FRMD4A: variants seen among roughly 807,000 people sequenced by gnomAD.
The protein encoded by FRMD4A is FERM domain-containing protein 4A.
A neutral mutation model predicts 129.1 loss-of-function variants in FRMD4A; 29 were observed. That is an observed-to-expected ratio of 0.22 (90% CI 0.17 to 0.31). The LOEUF (loss-of-function observed/expected upper bound fraction) is 0.31. Among genes scored for constraint, FRMD4A ranks in the 10% least tolerant of loss-of-function variants. The pLI, the probability that FRMD4A is intolerant of heterozygous loss-of-function variation, is 1.00. For synonymous variants in FRMD4A, 634 were observed against 571.6 expected, an observed-to-expected ratio of 1.11 and a Z score of -1.56; for missense variants, 1,272 against 1,375.8, an observed-to-expected ratio of 0.92 and a Z score of 1.19.
chr10:13,657,787 G>GTTTTTTT (rs1204181870), intron 21 of FRMD4A, among the ~76,000 whole-genome samples: 2,863 of 110,890 alleles, frequency 0.026, 117 homozygotes, highest in African/African-American at 0.1. Flanking sequence ...TCGATTTCTG[G>GTTTTTTT]GTTTTTTTTT....
chr10:13,813,273 T>G (rs945785295), intron 3 of FRMD4A, among the ~76,000 whole-genome samples: 8 of 152,174 alleles, frequency 5.3e-5, no homozygotes, highest in Non-Finnish European at 7.3e-5. Context: ...GGCAAAACCT[T>G]GTCTCTACTA....
At chr10:13,865,916 G>C (rs2094361123) in intron 2 of FRMD4A, among the ~76,000 whole-genome samples, 1 of 152,172 alleles carries the variant, frequency 6.6e-6, no homozygotes, top group Admixed American at 6.5e-5. Context: ...GCGGGGCTGA[G>C]GGAAGGTACG....
At chr10:14,106,319 A>T (rs1044414905) in intron 2 of FRMD4A, among the ~76,000 whole-genome samples, 1 of 152,120 alleles carries the variant, frequency 6.6e-6, no homozygotes, top group African/African-American at 2.4e-5. Flanking sequence ...AAACACTCTT[A>T]GTAGTCATTT....
At chr10:13,809,550 C>A (rs1346802980) in intron 4 of FRMD4A, among the ~76,000 whole-genome samples, 1 of 152,184 alleles carries the variant, frequency 6.6e-6, no homozygotes, top group Admixed American at 6.5e-5. Flanking sequence ...TCCTTCCCCG[C>A]ACAGCCCTGA....
At chr10:14,006,318 G>C (rs1409217475) in intron 2 of FRMD4A, among the ~76,000 whole-genome samples, 2 of 152,184 alleles carry the variant, frequency 1.3e-5, no homozygotes, top group African/African-American at 2.4e-5. Context: ...TGTAACGGTG[G>C]GGTGTGCTCA....
chr10:13,955,112 C>CTTTATTTTTTTTTTTTT (rs2095401761), intron 2 of FRMD4A, among the ~76,000 whole-genome samples: 1 of 102,974 alleles, frequency 9.7e-6, no homozygotes, highest in African/African-American at 3.9e-5. Flanking sequence ...AATAATTCTG[C>CTTTATTTTTTTTTTTTT]TTTTTTTTTT....
At chr10:13,703,764 G>A (rs1232606069) in intron 13 of FRMD4A, among the ~76,000 whole-genome samples, 1 of 152,162 alleles carries the variant, frequency 6.6e-6, no homozygotes, top group Admixed American at 6.6e-5. Flanking sequence ...CATAAAAATA[G>A]TAAACACTGA....
intron 8 of FRMD4A, among the ~76,000 whole-genome samples, chr10:13,756,775 T>A (rs2091883351): frequency 6.6e-6 from 1 of 152,224 alleles, no homozygotes; most frequent in East Asian, 1.9e-4. Flanking sequence ...TGATAAGGTT[T>A]TCAGTTAAGG....
chr10:14,323,232 A>G (rs7078103), intron 2 of FRMD4A, among the ~76,000 whole-genome samples: 296 of 152,340 alleles, frequency 1.9e-3, no homozygotes, highest in Middle Eastern at 0.014. Flanking sequence ...CATGAGATGA[A>G]TTCAGGTAGA....
intron 2 of FRMD4A, among the ~76,000 whole-genome samples, chr10:14,162,729 G>T (rs1327495014): frequency 6.7e-6 from 1 of 150,072 alleles, no homozygotes; most frequent in Non-Finnish European, 1.5e-5. Flanking sequence ...TTCCTGTTGG[G>T]ATTTTCGTTA....
At chr10:13,774,601 G>A (rs1195083475) in intron 6 of FRMD4A, among the ~76,000 whole-genome samples, 1 of 152,194 alleles carries the variant, frequency 6.6e-6, no homozygotes, top group Non-Finnish European at 1.5e-5. Flanking sequence ...GAGGAAAGAT[G>A]TCCAGATACC....
chr10:13,756,812 C>T (rs1464352399), intron 8 of FRMD4A, among the ~76,000 whole-genome samples: 2 of 152,086 alleles, frequency 1.3e-5, no homozygotes, highest in African/African-American at 4.8e-5. Context: ...ACCAAAAAAT[C>T]AAGTTTTTGT....
chr10:14,144,288 C>T (rs1185993120), intron 2 of FRMD4A, among the ~76,000 whole-genome samples: 1 of 152,092 alleles, frequency 6.6e-6, no homozygotes, highest in African/African-American at 2.4e-5. Context: ...TTAGGAACCC[C>T]TTGGAGAACT....
intron 2 of FRMD4A, among the ~76,000 whole-genome samples, chr10:14,038,196 G>A (rs543465373): frequency 5.9e-5 from 9 of 152,294 alleles, no homozygotes; most frequent in African/African-American, 9.6e-5. Flanking sequence ...GGTGGCGGGC[G>A]CCTGTAGTCC....
At chr10:14,235,086 G>A (rs1843757660) in intron 2 of FRMD4A, among the ~76,000 whole-genome samples, 1 of 151,998 alleles carries the variant, frequency 6.6e-6, no homozygotes, top group Non-Finnish European at 1.5e-5. Context: ...AGTTGTTTGG[G>A]CTGGCACAGT....
intron 2 of FRMD4A, among the ~76,000 whole-genome samples, chr10:13,930,052 C>G (rs1413370295): frequency 1.3e-5 from 2 of 152,148 alleles, no homozygotes; most frequent in Non-Finnish European, 2.9e-5. Flanking sequence ...TAACAATTTT[C>G]TCTCCAAGAA....
At chr10:13,707,208 T>A in intron 12 of FRMD4A, 95 bp from the exon 13 acceptor site, 1 of 882,600 alleles carries the variant, frequency 1.1e-6, no homozygotes, top group Non-Finnish European at 1.8e-6. Context: ...GCTGGCAGTT[T>A]CCTTATCAAA....
intron 15 of FRMD4A, chr10:13,685,243 T>C (rs2084960415): frequency 1.0e-6 from 1 of 984,798 alleles, no homozygotes; most frequent in South Asian, 4.7e-5. Context: ...TTGAAGCTCT[T>C]TGAAAACCAA....
chr10:13,681,532 G>A (rs1317886298), intron 15 of FRMD4A, among the ~76,000 whole-genome samples: 8 of 151,754 alleles, frequency 5.3e-5, no homozygotes, highest in South Asian at 4.2e-4. Context: ...ATCTCAATAC[G>A]GTTTGTGAAA....
Sources: allele counts gnomAD v4.1 joint callset (sites outside exome capture counted in the v4.1 genomes callset), GRCh38; gene constraint gnomAD v4.1.1; transcripts MANE v1.5; gene names NCBI Gene and HGNC (gene_info 2026-07-23, HGNC 2026-07-21).